Variants in HOXB7 observed in about 807,000 individuals in gnomAD.
HOXB7 encodes homeobox B7, also known as homeobox protein Hox-B7.
HOXB7 carries 11 observed loss-of-function variants against 19.2 expected under a neutral mutation model. The observed-to-expected ratio is 0.57, with a 90% CI of 0.36 to 0.95. HOXB7 has a LOEUF of 0.95. Among genes scored for constraint, HOXB7 ranks in the 40% least tolerant of loss-of-function variants. The pLI is 0.01. For synonymous variants in HOXB7, 141 were observed against 130.2 expected, an observed-to-expected ratio of 1.08 and a Z score of -0.56; for missense variants, 318 against 301.1, an observed-to-expected ratio of 1.06 and a Z score of -0.42.
Position 48,610,516 on chromosome 17 carries a change from T to C in HOXB7, c.400+3A>G, listed in dbSNP as rs2070632358. 1.3e-6 allele frequency: 2 copies of C among 1,485,274 alleles called. No homozygotes were observed. Among genetic ancestry groups the C allele is most frequent in the East Asian group, 2.5e-5 (1 of 39,812 alleles). 92.0% of individuals were successfully genotyped at this position (1,485,274 alleles called of 1,614,324 possible). On this transcript the variant is annotated splice_donor_region_variant and intron_variant, in intron 1 of 1. Coordinates refer to ENST00000239165, the MANE Select transcript of HOXB7 (RefSeq NM_004502.4). Reference sequence around the variant, plus strand: ...CTCAGGACAGCTCGGTGCGCGGCGTTACCTGAGCTTCGCATCCAGGGGTAG... The same window carrying C: ...CTCAGGACAGCTCGGTGCGCGGCGTCACCTGAGCTTCGCATCCAGGGGTAG...
rs1314192518 is a variant in HOXB7 at position 48,607,598 on chromosome 17, C to G, written c.*244G>C. Reference sequence around the variant, plus strand: ...TTCATATTGTACAAAAAAACCAAACCTGACAGACTTTCCTATAGGTAGTAT... The same window carrying G: ...TTCATATTGTACAAAAAAACCAAACGTGACAGACTTTCCTATAGGTAGTAT... On this transcript the variant is annotated 3_prime_UTR_variant, in exon 2 of 2. Coordinates refer to ENST00000239165, the MANE Select transcript of HOXB7 (RefSeq NM_004502.4). The G allele has an allele frequency of 4.3e-6, 2 of 469,258 alleles. No homozygotes were observed. Among genetic ancestry groups the G allele is most frequent in the Non-Finnish European group, 7.5e-6 (2 of 268,084 alleles). The allele number at this position is 469,258 out of a possible 1,614,324, so 29.1% of individuals were successfully genotyped here.
At chr17:48,609,621 G>A (rs2070622906) in intron 1 of HOXB7, among the ~76,000 whole-genome samples, 2 of 152,198 alleles carry the variant, frequency 1.3e-5, no homozygotes, top group African/African-American at 4.8e-5. Context: ...AGCCTCTTGG[G>A]GTTCTGCAGC....
rs749862818 is a variant in HOXB7 at position 48,610,691 on chromosome 17, G to T, written c.228C>A (p.Ala76=). The change falls in exon 1 of 2, where the codon GCC becomes GCA. Residue 76 remains alanine (A), a synonymous_variant. Transcript: ENST00000239165. The part of the protein sequence containing the change: ...AGQSAAGVYA[A]GYGLEPSSFN... ...AGGAACTCGGCTCGAGCCCATAGCC[G>T]GCCGCGTAGACGCCGGCCGCGCTCT... 4 of 1,574,496 alleles carry T rather than the reference G, an allele frequency of 2.5e-6. No homozygotes were observed. The highest frequency in any genetic ancestry group is 1.9e-5 in the Admixed American group (1 of 53,640).
At position 48,608,106 on chromosome 17, in the gene HOXB7, T is replaced by C. The variant is rs2070606036; in HGVS notation, c.401-11A>G. On this transcript the variant is annotated splice_polypyrimidine_tract_variant and intron_variant, in intron 1 of 1. Coordinates refer to ENST00000239165, the MANE Select transcript of HOXB7 (RefSeq NM_004502.4). ...GTTTGCGGTCAGTTCCTGCACACAG[T>C]ATTCAGAGGAAAATCAGTGAGTAAA... 1.2e-6 allele frequency: 2 copies of C among 1,603,230 alleles called. No individual in the cohort carries two copies. The highest frequency in any genetic ancestry group is 1.3e-5 in the African/African-American group (1 of 74,630).
chr17:48,609,196 T>C (rs2070618705), intron 1 of HOXB7, among the ~76,000 whole-genome samples: 1 of 151,970 alleles, frequency 6.6e-6, no homozygotes, highest in African/African-American at 2.4e-5. Context: ...ATCTGGGTGG[T>C]GGGGACTGAA....
At chr17:48,608,560 T>C (rs1407315491) in intron 1 of HOXB7, among the ~76,000 whole-genome samples, 1 of 151,888 alleles carries the variant, frequency 6.6e-6, no homozygotes, top group East Asian at 1.9e-4. Context: ...TGGCTTTTCA[T>C]ACCCCAGCCC....
rs541643262 is a variant in HOXB7 at position 48,608,301 on chromosome 17, G to A, written c.401-206C>T. ...TAGCTGGGCGTGGTGGCGGGCGCCT[G>A]TAGTCCCAACTACTCAGGAGGCTGA... On this transcript the variant is annotated intron_variant, in intron 1 of 1. Coordinates refer to ENST00000239165, the MANE Select transcript of HOXB7 (RefSeq NM_004502.4). 3.8e-4 allele frequency: 187 copies of A among 495,794 alleles called. 3 individuals carry two copies. The South Asian group carries it at 4.3e-3, about 11-fold the overall frequency. The allele number at this position is 495,794 out of a possible 1,614,324, so 30.7% of individuals were successfully genotyped here.
rs2070598695 is a variant in HOXB7, at chr17:48,607,732, TTTG to T, written c.*107_*109del. On this transcript the variant is annotated 3_prime_UTR_variant, in exon 2 of 2. Coordinates refer to ENST00000239165, the MANE Select transcript of HOXB7 (RefSeq NM_004502.4). ...TTTTTTTGTTTTTTTTGTTTTTTGT[TTTG>T]TTTTTTTACTTCCCTATTCGATTTG... The T allele has an allele frequency of 1.2e-6, 1 of 827,726 alleles. No homozygotes were observed. The highest frequency in any genetic ancestry group is 1.8e-6 in the Non-Finnish European group (1 of 567,460). 51.3% of individuals were successfully genotyped at this position (827,726 alleles called of 1,614,324 possible).
chr17:48,609,951 G>T (rs764662459), intron 1 of HOXB7, among the ~76,000 whole-genome samples: 1 of 152,024 alleles, frequency 6.6e-6, no homozygotes, highest in African/African-American at 2.4e-5. Flanking sequence ...TTCTCCTCCC[G>T]CCAGGCCTCT....
chr17:48,607,845 C>G lies in HOXB7; in HGVS notation c.651G>C (p.Glu217Asp). 1 of 1,611,948 alleles carries G rather than the reference C, an allele frequency of 6.2e-7. No individual in the cohort carries two copies. Among genetic ancestry groups the G allele is most frequent in the Admixed American group, 1.7e-5 (1 of 59,994 alleles). ...TCCTCTGCCCTTTCTCCATCCCTCA[C>G]TCTTCCTCTTCCTCCTCTGCTTCAG... Reference protein sequence around the residue: ...DRAEAEEEEEE With the variant: ...DRAEAEEEEED The change falls in exon 2 of 2, where the codon GAG (glutamate) becomes GAC (aspartate). Residue 217 changes from glutamate to aspartate, a missense_variant. Physicochemically the swap from Glu to Asp is conservative, Grantham distance 45 (BLOSUM62 2). Transcript: ENST00000239165.
intron 1 of HOXB7, chr17:48,608,423 CAAA>C (rs71144507): frequency 1.4e-4 from 10 of 70,080 alleles, no homozygotes; most frequent in South Asian, 1.5e-3. Flanking sequence ...GACTCCGTCT[CAAA>C]AAAAAAAAAA....
In HOXB7 at chr17:48,610,758, G is replaced by T. The variant is rs748601632; in HGVS notation, c.161C>A (p.Ser54Ter). ...CCCGCCGGGGTACAAGCCCTGCATCGAGGCGGCGAAGGAAGCGCCCGAACC... is the reference window on the plus strand; with the variant it reads ...CCCGCCGGGGTACAAGCCCTGCATCTAGGCGGCGAAGGAAGCGCCCGAACC... ...GAGSGASFAA[S>*]MQGLYPGGGG... The change falls in exon 1 of 2, where the codon TCG (serine) becomes TAG (stop). Residue 54 changes from serine (S) to a stop codon, truncating the protein, a stop_gained. Transcript: ENST00000239165. LOFTEE classifies it high-confidence loss of function. 1.1e-5 allele frequency: 18 copies of T among 1,598,398 alleles called. No homozygotes were observed. Among genetic ancestry groups the T allele is most frequent in the Admixed American group, 3.5e-5 (2 of 57,752 alleles).
intron 1 of HOXB7, 144 bp from the exon 2 acceptor site, chr17:48,608,239 C>T (rs2070608415): frequency 2.0e-6 from 2 of 1,023,980 alleles, no homozygotes; most frequent in Admixed American, 3.0e-5. Context: ...CTGGCTAACA[C>T]AGTGAAACCC....
In HOXB7 at chr17:48,608,104, A is replaced by G; in HGVS notation, c.401-9T>C. On this transcript the variant is annotated splice_polypyrimidine_tract_variant and intron_variant, in intron 1 of 1. Coordinates refer to ENST00000239165, the MANE Select transcript of HOXB7 (RefSeq NM_004502.4). ...TCGTTTGCGGTCAGTTCCTGCACAC[A>G]GTATTCAGAGGAAAATCAGTGAGTA... The G allele has an allele frequency of 1.9e-6, 3 of 1,606,914 alleles. No homozygotes were observed. The highest frequency in any genetic ancestry group is 2.6e-6 in the Non-Finnish European group (3 of 1,174,172).
In HOXB7 at chr17:48,608,069, T is replaced by A. The variant is rs1162096136; in HGVS notation, c.427A>T (p.Thr143Ser). Reference protein sequence around the residue: ...SGTDRKRGRQTYTRYQTLELE... With the variant: ...SGTDRKRGRQSYTRYQTLELE... Reference sequence around the variant, plus strand: ...TCCAGGGTCTGGTAGCGGGTGTAGGTCTGGCGGCCTCGTTTGCGGTCAGTT... The same window carrying A: ...TCCAGGGTCTGGTAGCGGGTGTAGGACTGGCGGCCTCGTTTGCGGTCAGTT... Residue 143 changes from threonine (T) to serine (S), a missense_variant, in exon 2 of 2, where the codon ACC (threonine) becomes TCC (serine). Thr to Ser is a moderately conservative substitution (Grantham distance 58). Coordinates refer to ENST00000239165, the MANE Select transcript of HOXB7 (RefSeq NM_004502.4). 6.2e-7 allele frequency: 1 copy of A among 1,613,886 alleles called. No homozygotes were observed. The highest frequency in any genetic ancestry group is 2.2e-5 in the East Asian group (1 of 44,896).
chr17:48,610,816 CA>C lies in HOXB7; in HGVS notation c.102del (p.Phe34LeufsTer129). ...TAGCCCGGGCGCTGGGGGTTGGAAG[CA>C]AACGCACAAGAAGTTTGTTCTGGGA... ...GAFPEQTSCA[F>X]ASNPQRPGYG... On this transcript the variant is annotated frameshift_variant, in exon 1 of 2. Coordinates refer to ENST00000239165, the MANE Select transcript of HOXB7 (RefSeq NM_004502.4). LOFTEE classifies it high-confidence loss of function. 1 of 1,588,966 alleles carries C rather than the reference CA, an allele frequency of 6.3e-7. No homozygotes were observed. Among genetic ancestry groups the C allele is most frequent in the Non-Finnish European group, 8.5e-7 (1 of 1,169,616 alleles).
chr17:48,609,803 A>T (rs191475450), intron 1 of HOXB7, among the ~76,000 whole-genome samples: 257 of 152,224 alleles, frequency 1.7e-3, no homozygotes, highest in Non-Finnish European at 3.2e-3. Context: ...CTGCACTCCC[A>T]TGAAGCCTCT....
chr17:48,607,996 C>A lies in HOXB7; in HGVS notation c.500G>T (p.Arg167Leu). The A allele has an allele frequency of 6.2e-7, 1 of 1,614,140 alleles. No homozygotes were observed. Among genetic ancestry groups the A allele is most frequent in the Non-Finnish European group, 8.5e-7 (1 of 1,180,018 alleles). Residue 167 changes from arginine to leucine, a missense_variant, in exon 2 of 2, where the codon CGC becomes CTC. Arg to Leu is a moderately radical substitution (Grantham distance 102, BLOSUM62 -2). Transcript: ENST00000239165. ...HYNRYLTRRR[R>L]IEIAHTLCLT... The stretch of plus-strand genomic sequence containing the variant: ...GCAGAGCGTGTGCGCGATCTCGATG[C>A]GCCGCCGCCGCGTCAGGTAGCGATT...
chr17:48,608,183 G>A lies in HOXB7; in HGVS notation c.401-88C>T. On this transcript the variant is annotated intron_variant, in intron 1 of 1. Coordinates refer to ENST00000239165, the MANE Select transcript of HOXB7 (RefSeq NM_004502.4). ...TCAAACCTGTAATCCCAGCACTTTGGGAGACCGAGGCGGGCGGATCACGAG... is the reference window on the plus strand; with the variant it reads ...TCAAACCTGTAATCCCAGCACTTTGAGAGACCGAGGCGGGCGGATCACGAG... 6.0e-6 allele frequency: 9 copies of A among 1,500,196 alleles called. No homozygotes were observed. The South Asian group carries it at 9.2e-5, about 15-fold the overall frequency. 92.9% of individuals were successfully genotyped at this position (1,500,196 alleles called of 1,614,324 possible). A position where few individuals can be genotyped will look rare whatever the true frequency, so the allele number is the denominator to read the frequency against.
Sources: gnomAD v4.1 joint callset for allele counts (sites outside exome capture counted in the v4.1 genomes callset) on GRCh38, gnomAD v4.1.1 for gene constraint, MANE v1.5 for transcripts, NCBI Gene and HGNC (gene_info 2026-07-23, HGNC 2026-07-21) for gene names.